The following SLC5A4 variants were observed in gnomAD, a reference collection of about 807,000 sequenced individuals.
The protein encoded by SLC5A4 is probable glucose sensor protein SLC5A4.
Under a neutral mutation model 70.3 loss-of-function variants are expected in SLC5A4, and 55 were observed. The ratio of observed to expected loss-of-function variants is 0.78; its 90% CI spans 0.63 to 0.98. The LOEUF is 0.98. Among genes scored for constraint, SLC5A4 ranks in the 50% least tolerant of loss-of-function variants. The pLI is 0.00. For synonymous variants in SLC5A4, 268 were observed against 305.7 expected (o/e 0.88, Z 1.29); for missense variants, 735 against 839.2 (o/e 0.88, Z 1.53).
the SLC5A4 span, among the ~76,000 whole-genome samples, chr22:32,325,365 G>A: frequency 3.3e-5 from 5 of 152,034 alleles, no homozygotes; most frequent in East Asian, 7.8e-4. Flanking sequence ...CCTGGCCGGG[G>A]TGGAGATTGG....
At chr22:32,341,877 A>G in the SLC5A4 span, among the ~76,000 whole-genome samples, 1 of 152,232 alleles carries the variant, frequency 6.6e-6, no homozygotes, top group Admixed American at 6.5e-5. Flanking sequence ...ATGTGAGTAA[A>G]GAGCATATTC....
At chr22:32,305,788 C>T in the SLC5A4 span, among the ~76,000 whole-genome samples, 1 of 151,660 alleles carries the variant, frequency 6.6e-6, no homozygotes, top group South Asian at 2.1e-4. Flanking sequence ...TGGCATGTCA[C>T]ACCAGGGGCC....
At chr22:32,330,524 GTGTC>G in the SLC5A4 span, among the ~76,000 whole-genome samples, 11 of 125,202 alleles carry the variant, frequency 8.8e-5, no homozygotes, top group South Asian at 5.7e-4. Context: ...GGGGCTGTGT[GTGTC>G]TGTGTTGGGG....
chr22:32,334,455 A>G, the SLC5A4 span, among the ~76,000 whole-genome samples: 9 of 151,804 alleles, frequency 5.9e-5, no homozygotes, highest in Non-Finnish European at 1.0e-4. Flanking sequence ...CCTCCAAAAT[A>G]CTGCCTTGTG....
At chr22:32,326,848 T>C in the SLC5A4 span, among the ~76,000 whole-genome samples, 2 of 152,122 alleles carry the variant, frequency 1.3e-5, no homozygotes, top group Non-Finnish European at 2.9e-5. Flanking sequence ...GGAGGGGATG[T>C]GGCCACGGGA....
chr22:32,234,362 G>A (rs1297262955), intron 8 of SLC5A4, among the ~76,000 whole-genome samples: 2 of 152,096 alleles, frequency 1.3e-5, no homozygotes, highest in Non-Finnish European at 2.9e-5. Context: ...TGGAAAGCAG[G>A]GCACCATGCA....
At chr22:32,328,112 GAGCCCCCAAAAC>G in the SLC5A4 span, among the ~76,000 whole-genome samples, 1 of 142,762 alleles carries the variant, frequency 7.0e-6, no homozygotes, top group African/African-American at 2.5e-5. Context: ...ACACACACCA[GAGCCCCCAAAAC>G]ACACACACCA....
rs369472527 is a variant in SLC5A4 at position 32,218,664 on chromosome 22, C to A, written c.1830G>T (p.Gln610His). Residue 610 changes from glutamine to histidine, a missense_variant, in exon 15 of 15, where the codon CAG becomes CAT. Gln to His is a conservative substitution (Grantham distance 24). Coordinates refer to ENST00000266086, the MANE Select transcript of SLC5A4 (RefSeq NM_014227.3). ...CCTCCTTGGTTAGCTTGGGTCCCTT[C>A]TGCAAACCGCAGAACAAGTCATAAG... is the stretch of plus-strand genomic sequence containing the variant. ...KKAYDLFCGL[Q>H]KGPKLTKEEE... 6.2e-7 allele frequency: 1 copy of A among 1,613,932 alleles called. No individual in the cohort carries two copies. The highest frequency in any genetic ancestry group is 1.3e-5 in the African/African-American group (1 of 74,876).
the SLC5A4 span, chr22:32,272,028 T>A: frequency 1.6e-6 from 1 of 632,466 alleles, no homozygotes; most frequent in Non-Finnish European, 2.9e-6. Flanking sequence ...ATCTATCCAG[T>A]TCATCTCCCT....
chr22:32,301,920 A>G, the SLC5A4 span, among the ~76,000 whole-genome samples: 2 of 152,294 alleles, frequency 1.3e-5, no homozygotes, highest in African/African-American at 2.4e-5. Flanking sequence ...TTGTACTGAC[A>G]ATTGGATATC....
chr22:32,352,038 A>G, the SLC5A4 span, among the ~76,000 whole-genome samples: 4 of 152,042 alleles, frequency 2.6e-5, no homozygotes, highest in African/African-American at 9.7e-5. Flanking sequence ...GAAATTTAAA[A>G]AAGTCCAAGA....
At chr22:32,317,687 A>AT in the SLC5A4 span, among the ~76,000 whole-genome samples, 1 of 152,038 alleles carries the variant, frequency 6.6e-6, no homozygotes, top group Admixed American at 6.6e-5. Flanking sequence ...GCTGATCTTG[A>AT]TCTCCTGGCC....
chr22:32,323,429 C>A, the SLC5A4 span, among the ~76,000 whole-genome samples: 1 of 152,234 alleles, frequency 6.6e-6, no homozygotes, highest in Non-Finnish European at 1.5e-5. Flanking sequence ...CTGCAAGAGG[C>A]TGGACATGGG....
At chr22:32,303,496 T>G in the SLC5A4 span, among the ~76,000 whole-genome samples, 1 of 152,232 alleles carries the variant, frequency 6.6e-6, no homozygotes, top group Admixed American at 6.5e-5. Context: ...ATTTGTCTCA[T>G]GTGAGCAGAA....
the SLC5A4 span, among the ~76,000 whole-genome samples, chr22:32,290,060 AG>A: frequency 7.5e-6 from 1 of 133,412 alleles, no homozygotes; most frequent in Non-Finnish European, 1.6e-5. Context: ...TTGAATTTGT[AG>A]GGCCTGGGTT....
At chr22:32,312,924 C>T in the SLC5A4 span, among the ~76,000 whole-genome samples, 1 of 152,176 alleles carries the variant, frequency 6.6e-6, no homozygotes, top group African/African-American at 2.4e-5. Flanking sequence ...TCCAGGTTTC[C>T]TCTGAACACA....
At chr22:32,278,279 C>T in the SLC5A4 span, among the ~76,000 whole-genome samples, 1 of 152,180 alleles carries the variant, frequency 6.6e-6, no homozygotes, top group Non-Finnish European at 1.5e-5. Flanking sequence ...AGTCTAACTT[C>T]GATCAAGATT....
chr22:32,271,825 C>T, the SLC5A4 span: 1 of 608,032 alleles, frequency 1.6e-6, no homozygotes, highest in South Asian at 1.5e-5. Context: ...CCTATGATTC[C>T]CCGTGGCCTG....
chr22:32,239,534 A>G (rs542421255), intron 5 of SLC5A4, among the ~76,000 whole-genome samples: 1 of 11,624 alleles, frequency 8.6e-5, no homozygotes, highest in African/African-American at 9.1e-4. Flanking sequence ...ATATATATAT[A>G]TATATATATA....
Sources: allele counts gnomAD v4.1 joint callset (sites outside exome capture counted in the v4.1 genomes callset), GRCh38; gene constraint gnomAD v4.1.1; transcripts MANE v1.5; gene names NCBI Gene and HGNC (gene_info 2026-07-23, HGNC 2026-07-21).